The following IQSEC3 variants were observed in gnomAD, a reference collection of about 807,000 sequenced individuals.
IQSEC3 encodes IQ motif and Sec7 domain ArfGEF 3.
A neutral mutation model predicts 105.4 loss-of-function variants in IQSEC3; 50 were observed. The ratio of observed to expected loss-of-function variants is 0.47; its 90% CI spans 0.38 to 0.60. IQSEC3 has a LOEUF of 0.60. Ranked by LOEUF, IQSEC3 falls within the 20% of genes least tolerant of loss-of-function variation. IQSEC3 has a pLI of 0.00. For synonymous variants in IQSEC3, 708 were observed against 746.0 expected, an observed-to-expected ratio of 0.95 and a Z score of 0.83; for missense variants, 1,415 against 1,630.0, an observed-to-expected ratio of 0.87 and a Z score of 2.27.
At chr12:101,345 C>T (rs1377282565) in intron 2 of IQSEC3, among the ~76,000 whole-genome samples, 3 of 152,170 alleles carry the variant, frequency 2.0e-5, no homozygotes, top group Non-Finnish European at 2.9e-5. Flanking sequence ...GGGGCTGGAG[C>T]TCCAAGGGAA....
At chr12:98,522 G>C (rs1233552939) in intron 1 of IQSEC3, among the ~76,000 whole-genome samples, 1 of 152,210 alleles carries the variant, frequency 6.6e-6, no homozygotes, top group Non-Finnish European at 1.5e-5. Flanking sequence ...GCCCAGAAAA[G>C]GTTAGCCTCG....
intron 6 of IQSEC3, 126 bp from the exon 7 acceptor site, chr12:157,402 A>T: frequency 1.7e-6 from 2 of 1,172,474 alleles, no homozygotes; most frequent in Non-Finnish European, 2.3e-6. Flanking sequence ...TGGGACAGAC[A>T]CTGGTCTCCC....
intron 5 of IQSEC3, among the ~76,000 whole-genome samples, chr12:156,020 CAG>C (rs1314420348): frequency 6.6e-6 from 1 of 152,158 alleles, no homozygotes; most frequent in Non-Finnish European, 1.5e-5. Flanking sequence ...GCCCTGGGGA[CAG>C]GGCACCCCAA....
rs1939294404 is a variant in IQSEC3 at position 178,169 on chromosome 12, C to G, written c.*3136C>G. On this transcript the variant is annotated 3_prime_UTR_variant, in exon 14 of 14. Coordinates refer to ENST00000538872, the MANE Select transcript of IQSEC3 (RefSeq NM_001170738.2). ...GATCCAGCCCTGCGTCTTCGAGCCC[C>G]TGTGCCACCGGTCCCCACGGCCCGC... The G allele has an allele frequency of 6.6e-6, 1 of 151,690 alleles. No individual in the cohort carries two copies. Among genetic ancestry groups the G allele is most frequent in the South Asian group, 2.1e-4 (1 of 4,808 alleles). 9.4% of individuals were successfully genotyped at this position (151,690 alleles called of 1,614,324 possible). A position where few individuals can be genotyped will look rare whatever the true frequency, so the allele number is the denominator to read the frequency against.
chr12:96,042 A>T (rs1864233125), intron 1 of IQSEC3, among the ~76,000 whole-genome samples: 1 of 152,210 alleles, frequency 6.6e-6, no homozygotes, highest in Non-Finnish European at 1.5e-5. Flanking sequence ...AGGTCCTAAG[A>T]ACACGCACCC....
At chr12:92,798 G>A (rs544337951) in intron 1 of IQSEC3, among the ~76,000 whole-genome samples, 8 of 152,324 alleles carry the variant, frequency 5.3e-5, no homozygotes, top group South Asian at 2.1e-4. Flanking sequence ...AGAGCTGAGC[G>A]TGTTGAGTGT....
In IQSEC3 at chr12:174,845, T is replaced by C; in HGVS notation, c.3361T>C (p.Tyr1121His). 6.3e-7 allele frequency: 1 copy of C among 1,580,016 alleles called. No individual in the cohort carries two copies. The highest frequency in any genetic ancestry group is 2.3e-5 in the East Asian group (1 of 43,868). ...EPLLSQALSC[Y>H]TSSSSDSCGS... ...CCTGCTGAGCCAGGCTCTCTCCTGC[T>C]ACACCTCGTCGTCCTCTGACTCCTG... The change falls in exon 14 of 14, where the codon TAC becomes CAC. Residue 1121 changes from tyrosine (Y) to histidine (H), a missense_variant. Transcript: ENST00000538872.
chr12:84,679 A>G (rs1863858815), intron 1 of IQSEC3, among the ~76,000 whole-genome samples: 1 of 152,164 alleles, frequency 6.6e-6, no homozygotes, highest in Non-Finnish European at 1.5e-5. Flanking sequence ...GCAGGTGTGT[A>G]TGAGTATGTT....
chr12:163,412 T>G (rs1867015258), intron 8 of IQSEC3, 82 bp from the exon 9 acceptor site: 1 of 1,302,090 alleles, frequency 7.7e-7, no homozygotes, highest in African/African-American at 1.6e-5. Context: ...CCGGGCTGTC[T>G]CCTCTTCTGG....
At chr12:166,140 C>T (rs184006478) in intron 11 of IQSEC3, 261 of 478,488 alleles carry the variant, frequency 5.5e-4, no homozygotes, top group African/African-American at 3.9e-3. Flanking sequence ...TGTGGGGCTG[C>T]GCGTGGGCCT....
intron 7 of IQSEC3, among the ~76,000 whole-genome samples, chr12:158,631 T>C (rs1267167458): frequency 1.3e-5 from 2 of 152,254 alleles, no homozygotes; most frequent in African/African-American, 4.8e-5. Context: ...AATAGAGCTA[T>C]ACAGTATTTA....
At chr12:74,828 G>A (rs1434379464) in intron 1 of IQSEC3, among the ~76,000 whole-genome samples, 4 of 152,264 alleles carry the variant, frequency 2.6e-5, no homozygotes, top group African/African-American at 4.8e-5. Context: ...GAAAACTAAG[G>A]CCTGAGGAGG....
chr12:146,569 C>G (rs1168406115), intron 5 of IQSEC3, among the ~76,000 whole-genome samples: 1 of 152,110 alleles, frequency 6.6e-6, no homozygotes, highest in African/African-American at 2.4e-5. Context: ...TCACTTGAGC[C>G]CAGGAGATGG....
rs1013934116 is a variant in IQSEC3 at position 139,105 on chromosome 12, C to T, written c.1742C>T (p.Ala581Val). The T allele has an allele frequency of 3.3e-6, 5 of 1,503,388 alleles. No homozygotes were observed. Among genetic ancestry groups the T allele is most frequent in the African/African-American group, 1.4e-5 (1 of 71,966 alleles). 93.1% of individuals were successfully genotyped at this position (1,503,388 alleles called of 1,614,324 possible). The change falls in exon 4 of 14, where the codon GCG becomes GTG. Residue 581 changes from alanine to valine, a missense_variant. Ala to Val is a moderately conservative substitution (Grantham distance 64). This residue lies in a region of IQSEC3 where 720 missense variants were observed against 633.0 expected (regional missense o/e 1.14). Coordinates refer to ENST00000538872, the MANE Select transcript of IQSEC3 (RefSeq NM_001170738.2). ...TEEEEEEEET[A>V]EVGRGAEAEA... ...GAGGAAGAGGAGGAGGAGGAGACGG[C>T]GGAGGTGGGGAGAGGGGCCGAGGCC...
rs528910257 is a variant in IQSEC3 at position 138,772 on chromosome 12, C to T, written c.1409C>T (p.Thr470Ile). 17 of 1,592,392 alleles carry T rather than the reference C, an allele frequency of 1.1e-5. No homozygotes were observed. The African/African-American group carries it at 1.4e-4, about 13-fold the overall frequency. ...GPGPGDDAAE[T>I]PGLPPAHSGT... ...GGGCCCGGGGATGACGCCGCGGAGA[C>T]CCCCGGCCTGCCCCCGGCCCACAGC... Residue 470 changes from threonine (T) to isoleucine (I), a missense_variant, in exon 4 of 14, where the codon ACC becomes ATC. Coordinates refer to ENST00000538872, the MANE Select transcript of IQSEC3 (RefSeq NM_001170738.2). This position sits in a 1 kb window ranked among gnomAD's most constrained non-coding sequence, Gnocchi z 7.1.
rs574872668 is a variant in IQSEC3, at chr12:169,886, C to T, written c.3064+781C>T. Among the ~76,000 whole-genome samples, 6 of 152,366 alleles carry T rather than the reference C, an allele frequency of 3.9e-5. No homozygotes were observed. The South Asian group carries it at 1.2e-3, about 32-fold the overall frequency. On this transcript the variant is annotated intron_variant, in intron 12 of 13. Coordinates refer to ENST00000538872, the MANE Select transcript of IQSEC3 (RefSeq NM_001170738.2). ...GTTAACTCGGTCACTTACTCTCACA[C>T]TCAACAAACACTTCTCGAATGGCTG... is the stretch of plus-strand genomic sequence containing the variant.
At chr12:121,885 T>C (rs1378755333) in intron 2 of IQSEC3, among the ~76,000 whole-genome samples, 2 of 152,090 alleles carry the variant, frequency 1.3e-5, no homozygotes, top group East Asian at 3.9e-4. Context: ...ACAGCAACCT[T>C]GAAAAGTTGT....
intron 3 of IQSEC3, among the ~76,000 whole-genome samples, chr12:131,798 A>C (rs1555085197): frequency 6.6e-6 from 1 of 152,094 alleles, no homozygotes. Context: ...GGGACAGTGC[A>C]GGTTGGGGGC....
intron 1 of IQSEC3, among the ~76,000 whole-genome samples, chr12:97,582 A>G (rs1864278033): frequency 6.6e-6 from 1 of 152,220 alleles, no homozygotes; most frequent in South Asian, 2.1e-4. Context: ...TAGGAGGCCA[A>G]GACGGGAGGA....
Sources: gnomAD v4.1 joint callset for allele counts (sites outside exome capture counted in the v4.1 genomes callset) on GRCh38, gnomAD v4.1.1 for gene constraint, gnomAD v4.1.1 regional missense constraint, Gnocchi (gnomAD v3.1) non-coding constraint, MANE v1.5 for transcripts, NCBI Gene and HGNC (gene_info 2026-07-23, HGNC 2026-07-21) for gene names.